Variants in SPG21 observed in about 807,000 individuals in gnomAD.
SPG21 encodes maspardin.
Under a neutral mutation model 38.9 loss-of-function variants are expected in SPG21, and 26 were observed. The observed-to-expected ratio is 0.67, with a 90% CI of 0.49 to 0.93. The LOEUF (loss-of-function observed/expected upper bound fraction) is 0.93, where lower values mean the gene tolerates loss of function less well. SPG21 is among the 40% of genes least tolerant of loss of function. The pLI, the probability that SPG21 is intolerant of heterozygous loss-of-function variation, is 0.00. For missense variants in SPG21, 333 were observed against 376.5 expected, an observed-to-expected ratio of 0.88 and a Z score of 0.96; for synonymous variants, 136 against 128.9, an observed-to-expected ratio of 1.05 and a Z score of -0.37.
intron 2 of SPG21, among the ~76,000 whole-genome samples, chr15:64,982,133 TTTTC>T (rs1286895876): frequency 6.6e-4 from 73 of 109,940 alleles, no homozygotes; most frequent in African/African-American, 2.0e-3. Flanking sequence ...ACATTTTTTC[TTTTC>T]TTTTCTTTTT....
At chr15:64,987,566 C>T (rs2086020611) in intron 1 of SPG21, 1 of 152,256 alleles carries the variant, frequency 6.6e-6, no homozygotes, top group Admixed American at 6.5e-5. Context: ...GGACCATGAG[C>T]TCAAAACTGA....
rs759705361 is a variant in SPG21, at chr15:64,963,574, T to C, written c.*46A>G. On this transcript the variant is annotated 3_prime_UTR_variant, in exon 9 of 9. Transcript: ENST00000204566. The stretch of plus-strand genomic sequence containing the variant: ...TGACGGGTGCTGATGCCACTGACTA[T>C]ACAAGAACACACCGGGTCAACTCAT... 1.2e-4 allele frequency: 188 copies of C among 1,529,576 alleles called. 3 individuals are homozygous for C. In the South Asian group the frequency reaches 2.0e-3, roughly 16 times the overall value. 94.8% of individuals were successfully genotyped at this position (1,529,576 alleles called of 1,614,324 possible).
At chr15:64,966,853 C>T (rs760366457) in intron 7 of SPG21, among the ~76,000 whole-genome samples, 6 of 152,040 alleles carry the variant, frequency 3.9e-5, no homozygotes, top group Admixed American at 2.0e-4. Flanking sequence ...GAGCCAAGAT[C>T]GCGCCACTGC....
chr15:64,978,319 G>C (rs2085825117), intron 3 of SPG21, among the ~76,000 whole-genome samples: 1 of 151,910 alleles, frequency 6.6e-6, no homozygotes, highest in African/African-American at 2.4e-5. Context: ...CATGGTGACA[G>C]GCACCTGTAA....
At chr15:64,965,057 C>T (rs2085515776) in intron 8 of SPG21, among the ~76,000 whole-genome samples, 1 of 152,166 alleles carries the variant, frequency 6.6e-6, no homozygotes, top group Non-Finnish European at 1.5e-5. Context: ...TCACATCATA[C>T]CAATAGTAAC....
intron 7 of SPG21, among the ~76,000 whole-genome samples, chr15:64,968,356 A>AG (rs1167854647): frequency 2.8e-4 from 43 of 151,696 alleles, no homozygotes; most frequent in Non-Finnish European, 5.2e-4. Flanking sequence ...AAAAAAAAAA[A>AG]AAAGAAAGAA....
chr15:64,965,595 T>G (rs1305039154), intron 7 of SPG21, 135 bp from the exon 8 acceptor site: 9 of 1,357,730 alleles, frequency 6.6e-6, no homozygotes, highest in Middle Eastern at 2.5e-4. Flanking sequence ...TCCTTTCATA[T>G]GAAGACAATC....
intron 2 of SPG21, 70 bp from the exon 3 acceptor site, chr15:64,981,095 C>T: frequency 1.3e-6 from 2 of 1,578,076 alleles, no homozygotes; most frequent in Non-Finnish European, 1.7e-6. Flanking sequence ...TTTACACTGT[C>T]ATTTCACTGA....
chr15:64,978,078 G>A (rs2085818296), intron 3 of SPG21, among the ~76,000 whole-genome samples: 1 of 151,478 alleles, frequency 6.6e-6, no homozygotes, highest in African/African-American at 2.4e-5. Context: ...TGATCCGCCT[G>A]CCTCGGCCTC....
At chr15:64,976,041 C>T (rs1041187677) in intron 4 of SPG21, among the ~76,000 whole-genome samples, 5 of 151,978 alleles carry the variant, frequency 3.3e-5, no homozygotes, top group African/African-American at 7.3e-5. Context: ...GTTGCACATA[C>T]CTGGGAGTAT....
intron 8 of SPG21, among the ~76,000 whole-genome samples, chr15:64,964,855 C>T (rs548071446): frequency 1.3e-5 from 2 of 152,246 alleles, no homozygotes; most frequent in East Asian, 3.9e-4. Flanking sequence ...TGGTCTTGAC[C>T]TCCTGACCTT....
chr15:64,980,920 C>G lies in SPG21; in HGVS notation c.169G>C (p.Asp57His). The stretch of plus-strand genomic sequence containing the variant: ...GCCAAAATCTGCCGGAAAAAGACAT[C>G]TGCAGTTCCACTGACAGGGGGCAGG... Reference protein sequence around the residue: ...IFLPPVSGTADVFFRQILALT... With the variant: ...IFLPPVSGTAHVFFRQILALT... Residue 57 changes from aspartate (D) to histidine (H), a missense_variant, in exon 3 of 9, where the codon GAT becomes CAT. By Grantham distance (81) the Asp-to-His change is moderately conservative (BLOSUM62 -1). Transcript: ENST00000204566. 6.2e-7 allele frequency: 1 copy of G among 1,614,092 alleles called. No individual in the cohort carries two copies.
In SPG21 at chr15:64,985,466, G is replaced by A. The variant is rs370205799; in HGVS notation, c.-24-1873C>T. Among the ~76,000 whole-genome samples, 358 of 152,330 alleles carry A rather than the reference G, an allele frequency of 2.4e-3. 2 individuals carry two copies. Among genetic ancestry groups the A allele is most frequent in the South Asian group, 0.017 (84 of 4,834 alleles). ...GCTGAACATCCTCAACTAAAAGGCT[G>A]CCCCTCTTTGCTCAGGCATCTGTGC... On this transcript the variant is annotated intron_variant, in intron 1 of 8. Transcript: ENST00000204566.
intron 5 of SPG21, among the ~76,000 whole-genome samples, chr15:64,974,243 G>T (rs2085730869): frequency 6.6e-6 from 1 of 152,218 alleles, no homozygotes; most frequent in Non-Finnish European, 1.5e-5. Context: ...AAGGTGGGCA[G>T]ATGGCTTGAG....
rs139236750 is a variant in SPG21, at chr15:64,969,435, C to T, written c.562-73G>A. ...ACATTTACATTAAATCCACAGACAA[C>T]ATTTGTGCTTATAAAGGTGGTATCA... is the stretch of plus-strand genomic sequence containing the variant. On this transcript the variant is annotated intron_variant, in intron 6 of 8. Coordinates refer to ENST00000204566, the MANE Select transcript of SPG21 (RefSeq NM_016630.7). 8.8e-3 allele frequency: 9,616 copies of T among 1,094,012 alleles called. 90 individuals are homozygous for T. Among genetic ancestry groups the T allele is most frequent in the Middle Eastern group, 0.033 (167 of 5,062 alleles). The allele number at this position is 1,094,012 out of a possible 1,614,324, so 67.8% of individuals were successfully genotyped here. A position where few individuals can be genotyped will look rare whatever the true frequency, so the allele number is the denominator to read the frequency against.
At chr15:64,975,480 A>C (rs1164933543) in intron 4 of SPG21, among the ~76,000 whole-genome samples, 2 of 148,998 alleles carry the variant, frequency 1.3e-5, no homozygotes, top group African/African-American at 4.9e-5. Context: ...GTGAGCCATG[A>C]TTGCACCACC....
chr15:64,974,554 C>T (rs2085737813), intron 5 of SPG21, 48 bp downstream of exon 5: 1 of 1,610,620 alleles, frequency 6.2e-7, no homozygotes. Context: ...ACTCAAAAGC[C>T]AACATTTTCA....
chr15:64,989,091 A>G (rs1240324247), intron 1 of SPG21: 2 of 152,182 alleles, frequency 1.3e-5, no homozygotes, highest in Non-Finnish European at 2.9e-5. Flanking sequence ...TGTCTAACTT[A>G]TAACTCCCCA....
At chr15:64,981,119 A>G in intron 2 of SPG21, 94 bp from the exon 3 acceptor site, 2 of 1,474,378 alleles carry the variant, frequency 1.4e-6, no homozygotes, top group South Asian at 1.2e-5. Context: ...TTTTACTACT[A>G]CTGCCTTGTT....
Sources: gnomAD v4.1 joint callset for allele counts (sites outside exome capture counted in the v4.1 genomes callset) on GRCh38, gnomAD v4.1.1 for gene constraint, MANE v1.5 for transcripts, NCBI Gene and HGNC (gene_info 2026-07-23, HGNC 2026-07-21) for gene names.